Variants in USP11 observed in about 807,000 individuals in gnomAD.
USP11 encodes the protein ubiquitin carboxyl-terminal hydrolase 11.
USP11 carries 5 observed loss-of-function variants against 72.8 expected under a neutral mutation model. The ratio of observed to expected loss-of-function variants is 0.07; its 90% CI spans 0.04 to 0.14. The LOEUF is 0.14. Among genes scored for constraint, USP11 ranks in the 10% least tolerant of loss-of-function variants. The pLI, the probability that USP11 is intolerant of heterozygous loss-of-function variation, is 1.00. For synonymous variants in USP11, 368 were observed against 326.5 expected (o/e 1.13, Z -1.37); for missense variants, 480 against 794.7 (o/e 0.60, Z 4.76).
rs1046539308 is a variant in USP11 at position 47,248,147 on chromosome X, C to T, written c.*217C>T. ...CAGTGCGCGCCCCGCCTGTGTTTGC[C>T]CTTCCAGCAGTGACCCTCCCTTCTA... is the stretch of plus-strand genomic sequence containing the variant. On this transcript the variant is annotated 3_prime_UTR_variant, in exon 21 of 21. Coordinates refer to ENST00000377107, the MANE Select transcript of USP11 (RefSeq NM_001371072.1). The T allele has an allele frequency of 4.2e-6, 2 of 478,267 alleles. No homozygotes were observed. The highest frequency in any genetic ancestry group is 4.9e-5 in the African/African-American group (2 of 40,483). The allele number at this position is 478,267 out of a possible 1,213,427, so 39.4% of individuals were successfully genotyped here.
intron 7 of USP11, 125 bp from the exon 8 acceptor site, chrX:47,241,152 T>C: frequency 1.3e-6 from 1 of 747,154 alleles, no homozygotes; most frequent in Non-Finnish European, 1.9e-6. Context: ...CCTGCTCCTC[T>C]CTCTCCTCCC....
At chrX:47,242,003 C>G in intron 9 of USP11, 79 bp from the exon 10 acceptor site, 4 of 1,056,447 alleles carry the variant, frequency 3.8e-6, no homozygotes, top group Non-Finnish European at 5.2e-6. Flanking sequence ...TTCCGCTTCA[C>G]CCCATTTGAA....
chrX:47,247,608 CA>C lies in USP11; in HGVS notation c.2537-2del, dbSNP rs2055441708. On this transcript the variant is annotated splice_acceptor_variant, in intron 19 of 20. Coordinates refer to ENST00000377107, the MANE Select transcript of USP11 (RefSeq NM_001371072.1). LOFTEE classifies it high-confidence loss of function. ...GGCGAGGATAACTCTCCTTCCCTTT[CA>C]GACACAACATTTGCCTGCAACAAGG... 8.3e-7 allele frequency: 1 copy of C among 1,208,679 alleles called. No individual in the cohort carries two copies.
At chrX:47,244,097 C>CT (rs200759841) in intron 13 of USP11, among the ~76,000 whole-genome samples, 5,468 of 92,210 alleles carry the variant, frequency 0.059, 505 homozygotes, top group African/African-American at 0.19. Context: ...CGCTCCATAC[C>CT]TTTTTTTTTT....
At position 47,243,694 on chromosome X, in the gene USP11, A is replaced by C. The variant is rs2147353330; in HGVS notation, c.1790+92A>C. 3.4e-6 allele frequency: 3 copies of C among 873,001 alleles called. No individual in the cohort carries two copies. In the East Asian group the frequency reaches 1.0e-4, roughly 29 times the overall value. 71.9% of individuals were successfully genotyped at this position (873,001 alleles called of 1,213,427 possible). On this transcript the variant is annotated intron_variant, in intron 13 of 20. Transcript: ENST00000377107. ...CTTATTTGACACCTCCCCTGTAACA[A>C]ACAAAAGACAGTCCAAACTTAACAT...
intron 1 of USP11, among the ~76,000 whole-genome samples, chrX:47,238,180 T>G (rs902498474): frequency 9.2e-6 from 1 of 108,671 alleles, no homozygotes; most frequent in Non-Finnish European, 1.9e-5. Flanking sequence ...AATAGCAATA[T>G]GCAGTTCTTT....
intron 13 of USP11, 133 bp from the exon 14 acceptor site, chrX:47,244,365 C>A: frequency 1.4e-6 from 1 of 703,147 alleles, no homozygotes; most frequent in Non-Finnish European, 2.1e-6. Flanking sequence ...CCCCTTCAGC[C>A]CTCTCACACC....
intron 17 of USP11, among the ~76,000 whole-genome samples, 187 bp from the exon 18 acceptor site, chrX:47,246,882 ATGG>A (rs962730772): frequency 3.6e-5 from 4 of 110,304 alleles, no homozygotes; most frequent in Non-Finnish European, 7.6e-5. Context: ...TTAGCAGGGC[ATGG>A]TGGTGCATGC....
At position 47,243,582 on chromosome X, in the gene USP11, C is replaced by T. The variant is rs780913446; in HGVS notation, c.1770C>T (p.Asn590=). The T allele has an allele frequency of 1.4e-5, 17 of 1,210,020 alleles. No individual in the cohort carries two copies. In the South Asian group the frequency reaches 2.1e-4, roughly 15 times the overall value. The change falls in exon 13 of 21, where the codon AAC becomes AAT. Residue 590 remains asparagine (N), a synonymous_variant. Transcript: ENST00000377107. ...GCTTCACCTGGGAGGGCCTGTATAACGTCCTGATGTACCGGCTCTCGTAAG... is the reference window on the plus strand; with the variant it reads ...GCTTCACCTGGGAGGGCCTGTATAATGTCCTGATGTACCGGCTCTCGTAAG... ...RDRFTWEGLY[N]VLMYRLSRYV... is the part of the protein sequence containing the mutation.
chrX:47,241,756 G>A (rs1461657733), intron 9 of USP11, 57 bp downstream of exon 9: 1 of 1,121,029 alleles, frequency 8.9e-7, no homozygotes, highest in African/African-American at 1.8e-5. Context: ...CTGCCTCGGG[G>A]ATTTTCTGGC....
intron 1 of USP11, 45 bp downstream of exon 1, chrX:47,233,264 G>T: frequency 8.9e-7 from 1 of 1,120,970 alleles, no homozygotes; most frequent in Non-Finnish European, 1.2e-6. Context: ...GAACGGTGGG[G>T]GCATTGACAA....
At chrX:47,243,671 T>A (rs12833694) in intron 13 of USP11, 69 bp downstream of exon 13, 1 of 987,900 alleles carries the variant, frequency 1.0e-6, no homozygotes, top group African/African-American at 1.9e-5. Flanking sequence ...TTTAGCTGCT[T>A]ATTTGACACC....
At chrX:47,235,876 C>G (rs1232471100) in intron 1 of USP11, among the ~76,000 whole-genome samples, 1 of 111,360 alleles carries the variant, frequency 9.0e-6, no homozygotes, top group Non-Finnish European at 1.9e-5. Flanking sequence ...ACAAAATAAC[C>G]ACAGTGTTTT....
chrX:47,246,246 C>T (rs576378031), intron 17 of USP11, among the ~76,000 whole-genome samples: 5 of 112,565 alleles, frequency 4.4e-5, no homozygotes, highest in African/African-American at 1.6e-4. Context: ...CTTAAGTTCA[C>T]TGTGTGTTGC....
At chrX:47,233,688 G>A in intron 1 of USP11, 1 of 397,629 alleles carries the variant, frequency 2.5e-6, no homozygotes, top group African/African-American at 2.7e-5. Flanking sequence ...CGGTCCGAGG[G>A]AGGGAGCGGG....
chrX:47,248,048 T>G lies in USP11; in HGVS notation c.*118T>G, dbSNP rs2055446043. On this transcript the variant is annotated 3_prime_UTR_variant, in exon 21 of 21. Transcript: ENST00000377107. ...GTGCCCCCGCCAGGCATTGCAGGCTTAGTCGTGGCTACTGTTCTCCTGTGC... is the reference window on the plus strand; with the variant it reads ...GTGCCCCCGCCAGGCATTGCAGGCTGAGTCGTGGCTACTGTTCTCCTGTGC... 1.0e-6 allele frequency: 1 copy of G among 994,279 alleles called. No individual in the cohort carries two copies. The highest frequency in any genetic ancestry group is 2.0e-5 in the African/African-American group (1 of 50,680). The allele number at this position is 994,279 out of a possible 1,213,427, so 81.9% of individuals were successfully genotyped here.
intron 10 of USP11, 25 bp downstream of exon 10, chrX:47,242,331 AGAT>A: frequency 3.3e-6 from 4 of 1,205,798 alleles, no homozygotes; most frequent in Non-Finnish European, 3.4e-6. Flanking sequence ...GGGCCTGGGG[AGAT>A]GATGATGGAC....
intron 1 of USP11, among the ~76,000 whole-genome samples, chrX:47,235,256 A>G (rs2055366502): frequency 1.8e-5 from 2 of 112,013 alleles, no homozygotes; most frequent in South Asian, 3.7e-4. Context: ...CTTTATACAT[A>G]TATGGAATAC....
chrX:47,233,455 T>G, intron 1 of USP11: 2 of 1,044,938 alleles, frequency 1.9e-6, no homozygotes, highest in African/African-American at 1.9e-5. Context: ...AAATGGGGTT[T>G]GTTGTGATGA....
Sources: gnomAD v4.1 joint callset for allele counts (sites outside exome capture counted in the v4.1 genomes callset) on GRCh38, gnomAD v4.1.1 for gene constraint, MANE v1.5 for transcripts, NCBI Gene and HGNC (gene_info 2026-07-23, HGNC 2026-07-21) for gene names.